Variants in CUBN observed in about 807,000 individuals in gnomAD.
CUBN encodes cubilin.
A neutral mutation model predicts 405.3 loss-of-function variants in CUBN; 282 were observed. That is an observed-to-expected ratio of 0.70 (90% confidence interval 0.63 to 0.77). The LOEUF (loss-of-function observed/expected upper bound fraction) is 0.77. Among genes scored for constraint, CUBN ranks in the 30% least tolerant of loss-of-function variants. The pLI, the probability that CUBN is intolerant of heterozygous loss-of-function variation, is 0.00. For missense variants in CUBN, 4,514 were observed against 4,475.2 expected (o/e 1.01, Z -0.25); for synonymous variants, 1,684 against 1,617.0 (o/e 1.04, Z -0.99).
chr10:17,034,588 A>G (rs1249983168), intron 27 of CUBN, among the ~76,000 whole-genome samples: 2 of 152,094 alleles, frequency 1.3e-5, no homozygotes, highest in Admixed American at 1.3e-4. Flanking sequence ...ATCCTCAAGG[A>G]TTTGGTTAAG....
At chr10:16,892,006 A>C (rs185596310) in intron 54 of CUBN, among the ~76,000 whole-genome samples, 1 of 152,316 alleles carries the variant, frequency 6.6e-6, no homozygotes, top group African/African-American at 2.4e-5. Context: ...GAATGATACC[A>C]AATTACTCAT....
At chr10:16,870,386 G>A (rs1353603703) in intron 58 of CUBN, among the ~76,000 whole-genome samples, 1 of 152,142 alleles carries the variant, frequency 6.6e-6, no homozygotes, top group Non-Finnish European at 1.5e-5. Context: ...TTAAGGTCAG[G>A]TGAAGAACAG....
Position 17,105,522 on chromosome 10 carries a change from G to A in CUBN, c.1165C>T (p.Pro389Ser). Reference protein sequence around the residue: ...LPGYTGNGYGPNGCVQLSNIC... With the variant: ...LPGYTGNGYGSNGCVQLSNIC... The stretch of plus-strand genomic sequence containing the variant: ...TTACTGAGCTGCACACATCCATTTG[G>A]CCCATAACCATTTCCAGTATAACCC... The change falls in exon 11 of 67, where the codon CCA (proline) becomes TCA (serine). Residue 389 changes from proline (P) to serine (S), a missense_variant. This residue lies in a region of CUBN where 1,448 missense variants were observed against 1,388.0 expected (regional missense o/e 1.04). Transcript: ENST00000377833. 6.2e-7 allele frequency: 1 copy of A among 1,611,176 alleles called. No homozygotes were observed. The highest frequency in any genetic ancestry group is 8.5e-7 in the Non-Finnish European group (1 of 1,177,568).
Position 17,110,991 on chromosome 10 carries a change from C to T in CUBN, c.943G>A (p.Gly315Ser), listed in dbSNP as rs1451250409. The change falls in exon 9 of 67, where the codon GGC becomes AGC. Residue 315 changes from glycine to serine, a missense_variant. Physicochemically the swap from Gly to Ser is moderately conservative, Grantham distance 56 (BLOSUM62 0). Around this residue, in one of 5 missense-constraint regions of CUBN, gnomAD observed 1,448 missense variants for 1,388.0 expected, o/e 1.04. Coordinates refer to ENST00000377833, the MANE Select transcript of CUBN (RefSeq NM_001081.4). ...TCAACGGGTGGAGCCACAGAACAGC[C>T]GCCGTTATTTATCTCACATTCATTG... The part of the protein sequence containing the change: ...DINECEINNG[G>S]CSVAPPVECV... The T allele has an allele frequency of 6.2e-6, 10 of 1,614,082 alleles. No individual in the cohort carries two copies. Among genetic ancestry groups the T allele is most frequent in the East Asian group, 4.5e-5 (2 of 44,880 alleles).
intron 31 of CUBN, among the ~76,000 whole-genome samples, chr10:16,978,944 G>A (rs936539499): frequency 1.1e-4 from 16 of 152,218 alleles, no homozygotes; most frequent in East Asian, 5.8e-4. Context: ...AAACCCCATC[G>A]TCGCAGCCCA....
chr10:16,954,840 C>T (rs1256419401), intron 31 of CUBN, among the ~76,000 whole-genome samples: 2 of 152,140 alleles, frequency 1.3e-5, no homozygotes, highest in Non-Finnish European at 2.9e-5. Flanking sequence ...CCAGTGTAGT[C>T]ACCTCACAGG....
intron 27 of CUBN, among the ~76,000 whole-genome samples, chr10:17,030,881 T>C (rs1274032588): frequency 1.3e-5 from 2 of 152,044 alleles, no homozygotes; most frequent in African/African-American, 4.8e-5. Flanking sequence ...ATTACGCCAC[T>C]GCACTCCAGC....
In CUBN at chr10:17,105,467, C is replaced by T. The variant is rs1434652742; in HGVS notation, c.1220G>A (p.Gly407Glu). 7.0e-6 allele frequency: 11 copies of T among 1,578,198 alleles called. No individual in the cohort carries two copies. The highest frequency in any genetic ancestry group is 5.4e-5 in the African/African-American group (4 of 74,538). ...NICLSHPCLN[G>E]QCIDTVSGYF... ...AAACAAAGGACTCACGATGCATTGT[C>T]CATTTAGACAGGGGTGACTTAGGCA... Residue 407 changes from glycine to glutamate, a missense_variant, in exon 11 of 67, where the codon GGA becomes GAA. This residue lies in a region of CUBN where 1,448 missense variants were observed against 1,388.0 expected (regional missense o/e 1.04). Transcript: ENST00000377833.
intron 31 of CUBN, among the ~76,000 whole-genome samples, chr10:16,957,700 C>A (rs1287037479): frequency 6.6e-6 from 1 of 152,082 alleles, no homozygotes; most frequent in East Asian, 1.9e-4. Context: ...ATAGAGCTAC[C>A]ATATGATCCA....
At chr10:16,877,599 T>C (rs543586661) in intron 56 of CUBN, among the ~76,000 whole-genome samples, 1 of 152,226 alleles carries the variant, frequency 6.6e-6, no homozygotes, top group Non-Finnish European at 1.5e-5. Context: ...TCCAAGCTTA[T>C]GTCCAGATAA....
chr10:17,073,134 G>C (rs1264415061), intron 17 of CUBN, among the ~76,000 whole-genome samples: 3 of 151,952 alleles, frequency 2.0e-5, no homozygotes, highest in African/African-American at 7.3e-5. Context: ...TCCCAACATA[G>C]ATTATAGAAA....
chr10:16,941,896 A>T (rs1175849636), intron 36 of CUBN, among the ~76,000 whole-genome samples: 2 of 152,092 alleles, frequency 1.3e-5, no homozygotes, highest in African/African-American at 4.8e-5. Context: ...CGGGGTGGGG[A>T]AATGGGAGAT....
At chr10:17,100,770 G>T (rs1304192599) in intron 13 of CUBN, among the ~76,000 whole-genome samples, 1 of 152,212 alleles carries the variant, frequency 6.6e-6, no homozygotes, top group African/African-American at 2.4e-5. Flanking sequence ...TGTGGGCGGA[G>T]TAGGCGGGAT....
intron 20 of CUBN, 61 bp from the exon 21 acceptor site, chr10:17,068,341 A>C: frequency 6.6e-7 from 1 of 1,524,724 alleles, no homozygotes. Flanking sequence ...ATTTCAAATT[A>C]AAAGGCTCTG....
intron 31 of CUBN, among the ~76,000 whole-genome samples, chr10:16,981,403 G>A (rs1833268715): frequency 6.6e-6 from 1 of 150,644 alleles, no homozygotes; most frequent in Non-Finnish European, 1.5e-5. Flanking sequence ...ATTTGTTCGT[G>A]TGACCTGATT....
chr10:16,891,933 C>CA (rs1479550110), intron 54 of CUBN, among the ~76,000 whole-genome samples: 1 of 152,146 alleles, frequency 6.6e-6, no homozygotes, highest in Admixed American at 6.5e-5. Flanking sequence ...ACAACTATCT[C>CA]AAACAAGGAT....
At chr10:17,014,754 G>T (rs1230895109) in intron 28 of CUBN, among the ~76,000 whole-genome samples, 1 of 152,206 alleles carries the variant, frequency 6.6e-6, no homozygotes, top group Admixed American at 6.5e-5. Flanking sequence ...AGAGTGCCTG[G>T]ACTTGAGAAG....
chr10:17,118,164 C>T (rs931829035), intron 6 of CUBN, among the ~76,000 whole-genome samples: 16 of 152,138 alleles, frequency 1.1e-4, no homozygotes, highest in African/African-American at 3.9e-4. Flanking sequence ...GAGTATACTT[C>T]TTTCACTTAA....
At chr10:16,958,476 C>G (rs551023960) in intron 31 of CUBN, among the ~76,000 whole-genome samples, 1 of 152,106 alleles carries the variant, frequency 6.6e-6, no homozygotes, top group Non-Finnish European at 1.5e-5. Context: ...CAGTGAGCTG[C>G]GATTGCACCA....
Sources: allele counts gnomAD v4.1 joint callset (sites outside exome capture counted in the v4.1 genomes callset), GRCh38; gene constraint gnomAD v4.1.1; regional missense constraint gnomAD v4.1.1; transcripts MANE v1.5; gene names NCBI Gene and HGNC (gene_info 2026-07-23, HGNC 2026-07-21).